FGL1: variants seen among roughly 807,000 people sequenced by gnomAD.
FGL1 encodes the protein fibrinogen-like protein 1.
In FGL1, 59 loss-of-function variants were observed where a neutral mutation model predicts 43.7. The observed-to-expected ratio is 1.35, with a 90% CI of 1.10 to 1.68. The LOEUF is 1.68. Among genes scored for constraint, FGL1 ranks in the 40% most tolerant of loss-of-function variants. FGL1 has a pLI of 0.00. For missense variants in FGL1, 596 were observed against 373.0 expected (o/e 1.60, Z -4.92); for synonymous variants, 192 against 126.5 (o/e 1.52, Z -3.48).
At chr8:17,878,821 T>C (rs1471794559) in intron 3 of FGL1, among the ~76,000 whole-genome samples, 1 of 151,914 alleles carries the variant, frequency 6.6e-6, no homozygotes, top group Admixed American at 6.6e-5. Flanking sequence ...TATGTATGAA[T>C]ATTTAATTGT....
intron 1 of FGL1, among the ~76,000 whole-genome samples, chr8:17,888,206 C>T (rs1325985657): frequency 6.6e-6 from 1 of 151,922 alleles, no homozygotes; most frequent in East Asian, 1.9e-4. Flanking sequence ...AAGAGACACC[C>T]TCTGTGTATT....
chr8:17,874,350 T>A lies in FGL1; in HGVS notation c.404+12A>T, dbSNP rs1322768540. On this transcript the variant is annotated intron_variant, in intron 4 of 7. Coordinates refer to ENST00000427924, the MANE Select transcript of FGL1 (RefSeq NM_004467.4). ...CTGCTACATATAAAGTCTTACATCA[T>A]AATTAGCACACCTGTTAAAGTTTTC... is the stretch of plus-strand genomic sequence containing the variant. The A allele has an allele frequency of 1.9e-6, 3 of 1,609,710 alleles. No individual in the cohort carries two copies. The highest frequency in any genetic ancestry group is 2.5e-6 in the Non-Finnish European group (3 of 1,178,130).
intron 3 of FGL1, chr8:17,874,791 C>G (rs2053420392): frequency 1.2e-5 from 3 of 245,168 alleles, no homozygotes; most frequent in Non-Finnish European, 2.3e-5. Context: ...TTTCTTTCTT[C>G]TTTTTTCTTT....
At chr8:17,869,726 G>T (rs1444707079) in intron 5 of FGL1, among the ~76,000 whole-genome samples, 1 of 152,186 alleles carries the variant, frequency 6.6e-6, no homozygotes, top group African/African-American at 2.4e-5. Context: ...TGGCAGAGAT[G>T]ATGATAATTA....
At chr8:17,871,244 G>A (rs766722522) in intron 5 of FGL1, among the ~76,000 whole-genome samples, 1 of 152,046 alleles carries the variant, frequency 6.6e-6, no homozygotes, top group Non-Finnish European at 1.5e-5. Flanking sequence ...TGTAATTCAA[G>A]CACTTTGGGA....
intron 2 of FGL1, among the ~76,000 whole-genome samples, chr8:17,884,077 C>G (rs1309127443): frequency 7.0e-6 from 1 of 143,238 alleles, no homozygotes; most frequent in Admixed American, 6.9e-5. Context: ...TCCTTTCTTT[C>G]TCCTTCCCTC....
chr8:17,883,806 C>T (rs192505537), intron 2 of FGL1, among the ~76,000 whole-genome samples: 321 of 133,078 alleles, frequency 2.4e-3, no homozygotes, highest in Middle Eastern at 5.4e-3. Flanking sequence ...TTCCCCTTCC[C>T]CTTTCCCTTC....
At chr8:17,886,902 G>A (rs1482663617) in intron 1 of FGL1, among the ~76,000 whole-genome samples, 1 of 152,158 alleles carries the variant, frequency 6.6e-6, no homozygotes, top group Non-Finnish European at 1.5e-5. Flanking sequence ...GGGGATTCTG[G>A]ATTGGAGGCA....
chr8:17,890,359 C>A (rs1234568672), intron 1 of FGL1, among the ~76,000 whole-genome samples: 1 of 152,198 alleles, frequency 6.6e-6, no homozygotes, highest in African/African-American at 2.4e-5. Context: ...TGAGCATCCA[C>A]CTCCTCAACA....
At chr8:17,866,985 G>A (rs971160495) in intron 7 of FGL1, among the ~76,000 whole-genome samples, 2 of 152,108 alleles carry the variant, frequency 1.3e-5, no homozygotes, top group African/African-American at 4.8e-5. Flanking sequence ...TTGCAAAGCA[G>A]GAGAGTGAAA....
chr8:17,889,861 A>G (rs1464417788), intron 1 of FGL1, among the ~76,000 whole-genome samples: 1 of 152,244 alleles, frequency 6.6e-6, no homozygotes, highest in Non-Finnish European at 1.5e-5. Flanking sequence ...GATAGGAAGA[A>G]CACACTTGAA....
intron 5 of FGL1, among the ~76,000 whole-genome samples, chr8:17,871,226 T>G (rs1161893460): frequency 6.6e-6 from 1 of 152,014 alleles, no homozygotes; most frequent in Non-Finnish European, 1.5e-5. Context: ...GATGCGGTGG[T>G]TCATACCTGT....
chr8:17,864,862 C>T, intron 7 of FGL1, 111 bp from the exon 8 acceptor site: 2 of 920,318 alleles, frequency 2.2e-6, no homozygotes, highest in Non-Finnish European at 2.9e-6. Flanking sequence ...ATGAATTCTG[C>T]CATTTTTCAG....
intron 5 of FGL1, among the ~76,000 whole-genome samples, chr8:17,873,224 A>G (rs897215649): frequency 2.0e-5 from 3 of 152,228 alleles, no homozygotes; most frequent in African/African-American, 7.2e-5. Context: ...CACCAATAGA[A>G]GAAAAATGAC....
At chr8:17,881,138 A>ATTTTTTTTTTTTTTTTTTTTTTTTTTTTT (rs34570292) in intron 3 of FGL1, among the ~76,000 whole-genome samples, 2 of 142,932 alleles carry the variant, frequency 1.4e-5, no homozygotes, top group African/African-American at 5.4e-5. Context: ...GTGTACACGG[A>ATTTTTTTTTTTTTTTTTTTTTTTTTTTTT]TTTTTTTTTT....
At chr8:17,890,220 T>C (rs2053685030) in intron 1 of FGL1, among the ~76,000 whole-genome samples, 1 of 152,230 alleles carries the variant, frequency 6.6e-6, no homozygotes. Context: ...TGCTAATGTC[T>C]GGCCCAAGCT....
At chr8:17,883,653 T>C (rs1196423027) in intron 2 of FGL1, among the ~76,000 whole-genome samples, 4 of 145,620 alleles carry the variant, frequency 2.7e-5, no homozygotes, top group Non-Finnish European at 6.0e-5. Context: ...GCATATATAA[T>C]ACATTTATAT....
At chr8:17,882,906 AAAT>A (rs1304535140) in intron 2 of FGL1, among the ~76,000 whole-genome samples, 1 of 102,618 alleles carries the variant, frequency 9.7e-6, no homozygotes, top group Admixed American at 1.3e-4. Flanking sequence ...ATAATATATT[AAAT>A]AATATATAAT....
At chr8:17,876,273 T>G (rs952944356) in intron 3 of FGL1, among the ~76,000 whole-genome samples, 1 of 152,204 alleles carries the variant, frequency 6.6e-6, no homozygotes, top group Non-Finnish European at 1.5e-5. Flanking sequence ...TGATACTAGA[T>G]TGCCAAATTT....
Sources: gnomAD v4.1 joint callset for allele counts (sites outside exome capture counted in the v4.1 genomes callset) on GRCh38, gnomAD v4.1.1 for gene constraint, MANE v1.5 for transcripts, NCBI Gene and HGNC (gene_info 2026-07-23, HGNC 2026-07-21) for gene names.